Variants in TBC1D9B observed in about 807,000 individuals in gnomAD.
TBC1D9B encodes the protein TBC1 domain family member 9B, also known as TBC1 domain family, member 9B (with GRAM domain).
Under a neutral mutation model 121.1 loss-of-function variants are expected in TBC1D9B, and 87 were observed. That is an observed-to-expected ratio of 0.72 (90% confidence interval 0.60 to 0.86). The LOEUF is 0.86. Ranked by LOEUF, TBC1D9B falls within the 40% of genes least tolerant of loss-of-function variation. TBC1D9B has a pLI of 0.00. For synonymous variants in TBC1D9B, 668 were observed against 670.1 expected, an observed-to-expected ratio of 1.00 and a Z score of 0.05; for missense variants, 1,540 against 1,628.6, an observed-to-expected ratio of 0.95 and a Z score of 0.94.
chr5:179,867,356 T>G (rs1025708428), intron 18 of TBC1D9B: 9 of 1,391,452 alleles, frequency 6.5e-6, no homozygotes, highest in African/African-American at 2.9e-5. Flanking sequence ...CCCAGAGAGG[T>G]CCCTGGGACA....
At chr5:179,867,542 G>A (rs1276604946) in intron 18 of TBC1D9B, 4 of 1,550,834 alleles carry the variant, frequency 2.6e-6, no homozygotes, top group Non-Finnish European at 3.5e-6. Flanking sequence ...GTGGGGAGGA[G>A]CCAAGGTCCA....
intron 1 of TBC1D9B, among the ~76,000 whole-genome samples, chr5:179,905,284 G>A (rs1041277194): frequency 2.0e-5 from 3 of 152,112 alleles, no homozygotes; most frequent in East Asian, 3.9e-4. Context: ...TACGTCTTCC[G>A]GACAGTTCTG....
At position 179,865,496 on chromosome 5, in the gene TBC1D9B, A is replaced by T; in HGVS notation, c.2915-136T>A. The T allele has an allele frequency of 1.2e-6, 1 of 835,322 alleles. No homozygotes were observed. The highest frequency in any genetic ancestry group is 1.9e-6 in the Non-Finnish European group (1 of 520,276). The allele number at this position is 835,322 out of a possible 1,614,324, so 51.7% of individuals were successfully genotyped here. Reference sequence around the variant, plus strand: ...TCATAAAACACCCTGGCGTTTGGGAAGGTGGTCATGGGAAAAAAACCCAGA... The same window carrying T: ...TCATAAAACACCCTGGCGTTTGGGATGGTGGTCATGGGAAAAAAACCCAGA... On this transcript the variant is annotated intron_variant, in intron 19 of 20. Coordinates refer to ENST00000355235, the MANE Select transcript of TBC1D9B (RefSeq NM_015043.4). This position sits in a 1 kb window ranked among gnomAD's most constrained non-coding sequence, Gnocchi z 5.1.
intron 2 of TBC1D9B, among the ~76,000 whole-genome samples, chr5:179,903,704 C>T (rs1761225260): frequency 6.6e-6 from 1 of 152,218 alleles, no homozygotes; most frequent in Non-Finnish European, 1.5e-5. Context: ...AATGAAGCTG[C>T]TCTCATGCAC....
intron 15 of TBC1D9B, among the ~76,000 whole-genome samples, chr5:179,871,003 G>GAAA (rs1760177819): frequency 6.6e-6 from 1 of 152,210 alleles, no homozygotes; most frequent in African/African-American, 2.4e-5. Context: ...ACAAGGGAAA[G>GAAA]AAAAATTCTC....
intron 18 of TBC1D9B, 32 bp downstream of exon 18, chr5:179,867,746 T>C (rs1760060719): frequency 6.2e-7 from 1 of 1,601,386 alleles, no homozygotes; most frequent in African/African-American, 1.3e-5. Flanking sequence ...GAGTGCTGGC[T>C]GGGCATGTCG....
intron 7 of TBC1D9B, among the ~76,000 whole-genome samples, chr5:179,880,252 A>T (rs1488365194): frequency 6.6e-6 from 1 of 152,188 alleles, no homozygotes; most frequent in Non-Finnish European, 1.5e-5. Context: ...CTACCAAGGA[A>T]ATGAGTGGCC....
At chr5:179,880,075 C>T in intron 7 of TBC1D9B, 1 of 512,410 alleles carries the variant, frequency 2.0e-6, no homozygotes, top group Non-Finnish European at 3.5e-6. Context: ...GGGCCCTTTT[C>T]TGAGGGGGGT....
chr5:179,870,607 G>C, intron 15 of TBC1D9B, 112 bp from the exon 16 acceptor site: 1 of 1,441,784 alleles, frequency 6.9e-7, no homozygotes, highest in Non-Finnish European at 9.1e-7. Context: ...GCGGAGCCCT[G>C]GGGCGGTAAG....
intron 8 of TBC1D9B, 34 bp from the exon 9 acceptor site, chr5:179,879,231 C>A: frequency 1.3e-6 from 2 of 1,584,664 alleles, no homozygotes; most frequent in Non-Finnish European, 8.5e-7. Flanking sequence ...GCCTGGGGGC[C>A]GAAGCGCATC....
chr5:179,888,606 A>G (rs1298782370), intron 6 of TBC1D9B, among the ~76,000 whole-genome samples: 1 of 152,184 alleles, frequency 6.6e-6, no homozygotes, highest in Non-Finnish European at 1.5e-5. Context: ...TGGCTCTCAG[A>G]AGGCTGTCCG....
At position 179,874,870 on chromosome 5, in the gene TBC1D9B, C is replaced by A. The variant is rs755255938; in HGVS notation, c.2186+32G>T. On this transcript the variant is annotated intron_variant, in intron 12 of 20. Coordinates refer to ENST00000355235, the MANE Select transcript of TBC1D9B (RefSeq NM_015043.4). The surrounding 1 kb of genome is among the most constrained non-coding windows in gnomAD (Gnocchi z 4.3). ...GGCTGGTGAGGGGTTCTGCTGTGAG[C>A]CCCCAGCAGGAGAAGGAACCCGGCA... 6.2e-7 allele frequency: 1 copy of A among 1,604,618 alleles called. No individual in the cohort carries two copies. Among genetic ancestry groups the A allele is most frequent in the Non-Finnish European group, 8.5e-7 (1 of 1,176,524 alleles).
rs764838986 is a variant in TBC1D9B, at chr5:179,862,601, T to C, written c.*847A>G. 1 of 456,584 alleles carries C rather than the reference T, an allele frequency of 2.2e-6. No homozygotes were observed. The highest frequency in any genetic ancestry group is 4.4e-6 in the Non-Finnish European group (1 of 226,920). The allele number at this position is 456,584 out of a possible 1,614,324, so 28.3% of individuals were successfully genotyped here. On this transcript the variant is annotated 3_prime_UTR_variant, in exon 21 of 21. Coordinates refer to ENST00000355235, the MANE Select transcript of TBC1D9B (RefSeq NM_015043.4). ...CGTCTCCATCTGACCTGGCAGACCT[T>C]GCACTCTTCCACCCACTGTGGAGGA...
intron 7 of TBC1D9B, 25 bp from the exon 8 acceptor site, chr5:179,879,814 A>G (rs1760481531): frequency 1.3e-6 from 2 of 1,587,114 alleles, no homozygotes. Context: ...AGGGAAGGGG[A>G]CGCCCTAACA....
rs544868944 is a variant in TBC1D9B, at chr5:179,902,506, G to C, written c.229+2196C>G. ...GGAAAGGGAGGCACAGCCAGGGCCA[G>C]TGCAGGGCTTTGGGCCTGGCAGGAG... On this transcript the variant is annotated intron_variant, in intron 2 of 20. Coordinates refer to ENST00000355235, the MANE Select transcript of TBC1D9B (RefSeq NM_015043.4). The surrounding 1 kb of genome is among the most constrained non-coding windows in gnomAD (Gnocchi z 4.9). Among the ~76,000 whole-genome samples the C allele has an allele frequency of 6.6e-6, 1 of 152,340 alleles. No homozygotes were observed. Among genetic ancestry groups the C allele is most frequent in the South Asian group, 2.1e-4 (1 of 4,826 alleles).
At chr5:179,873,585 C>T (rs924475919) in intron 12 of TBC1D9B, among the ~76,000 whole-genome samples, 5 of 152,186 alleles carry the variant, frequency 3.3e-5, no homozygotes, top group Admixed American at 1.3e-4. Context: ...CTCCCTTTGG[C>T]GGGGCCCTGG....
In TBC1D9B at chr5:179,902,581, G is replaced by C. The variant is rs575177080; in HGVS notation, c.229+2121C>G. ...GGGCTACGTACATGGGCTCCGCTGCGTGGCTGTGGCTGGGCCCCTCCCCAG... is the reference window on the plus strand; with the variant it reads ...GGGCTACGTACATGGGCTCCGCTGCCTGGCTGTGGCTGGGCCCCTCCCCAG... On this transcript the variant is annotated intron_variant, in intron 2 of 20. Transcript: ENST00000355235. This position sits in a 1 kb window ranked among gnomAD's most constrained non-coding sequence, Gnocchi z 4.9. Among the ~76,000 whole-genome samples, 25 of 152,306 alleles carry C rather than the reference G, an allele frequency of 1.6e-4. No individual in the cohort carries two copies. In the East Asian group the frequency reaches 4.6e-3, roughly 28 times the overall value.
At chr5:179,888,852 T>C (rs1287754388) in intron 6 of TBC1D9B, among the ~76,000 whole-genome samples, 1 of 151,948 alleles carries the variant, frequency 6.6e-6, no homozygotes, top group African/African-American at 2.4e-5. Flanking sequence ...GAGGGAAGGC[T>C]GGGTGGTCCC....
intron 2 of TBC1D9B, among the ~76,000 whole-genome samples, chr5:179,903,810 G>C (rs556123461): frequency 6.6e-5 from 10 of 152,086 alleles, no homozygotes. Context: ...CATCAGCAAC[G>C]AGCACAAACA....
Sources: gnomAD v4.1 joint callset for allele counts (sites outside exome capture counted in the v4.1 genomes callset) on GRCh38, gnomAD v4.1.1 for gene constraint, Gnocchi (gnomAD v3.1) non-coding constraint, MANE v1.5 for transcripts, NCBI Gene and HGNC (gene_info 2026-07-23, HGNC 2026-07-21) for gene names.